The following DLGAP2 variants were observed in gnomAD, a reference collection of about 807,000 sequenced individuals.
The protein encoded by DLGAP2 is disks large-associated protein 2.
DLGAP2 carries 26 observed loss-of-function variants against 100.3 expected under a neutral mutation model. That is an observed-to-expected ratio of 0.26 (90% confidence interval 0.19 to 0.36). The LOEUF (loss-of-function observed/expected upper bound fraction) is 0.36. DLGAP2 is among the 10% of genes least tolerant of loss of function. The probability of loss-of-function intolerance (pLI) is 1.00; values close to 1 mark genes in which losing one functional copy is unlikely to be tolerated. For missense variants in DLGAP2, 1,858 were observed against 1,453.2 expected, an observed-to-expected ratio of 1.28 and a Z score of -4.53; for synonymous variants, 886 against 630.1, an observed-to-expected ratio of 1.41 and a Z score of -6.08.
In DLGAP2 at chr8:1,668,472, C is replaced by G; in HGVS notation, c.1954C>G (p.Pro652Ala). 6.3e-7 allele frequency: 1 copy of G among 1,594,822 alleles called. No individual in the cohort carries two copies. The highest frequency in any genetic ancestry group is 8.5e-7 in the Non-Finnish European group (1 of 1,171,722). Reference sequence around the variant, plus strand: ...GGACAGCCGCGCACAGAGGATGTCCCCGTGGCCCCAGGACAGCCGCGGCCT... The same window carrying G: ...GGACAGCCGCGCACAGAGGATGTCCGCGTGGCCCCAGGACAGCCGCGGCCT... ...YQDSRAQRMS[P>A]WPQDSRGLYN... is the part of the protein sequence containing the mutation. Residue 652 changes from proline (P) to alanine (A), a missense_variant, in exon 9 of 15, where the codon CCG (proline) becomes GCG (alanine). Coordinates refer to ENST00000637795, the MANE Select transcript of DLGAP2 (RefSeq NM_001346810.2).
chr8:1,324,902 C>G (rs1310409751), intron 3 of DLGAP2, among the ~76,000 whole-genome samples: 1 of 152,210 alleles, frequency 6.6e-6, no homozygotes, highest in Non-Finnish European at 1.5e-5. Context: ...ACTCCACAAG[C>G]CTCGTCTTCC....
At chr8:1,010,386 C>T (rs757055617) in intron 2 of DLGAP2, among the ~76,000 whole-genome samples, 1 of 152,126 alleles carries the variant, frequency 6.6e-6, no homozygotes, top group Non-Finnish European at 1.5e-5. Flanking sequence ...TGTGCACAGT[C>T]AGATATCACA....
At chr8:1,229,270 ATT>A (rs201952917) in intron 2 of DLGAP2, among the ~76,000 whole-genome samples, 1 of 144,914 alleles carries the variant, frequency 6.9e-6, no homozygotes. Flanking sequence ...TTCTACCTTG[ATT>A]TTTTTTTTTT....
intron 5 of DLGAP2, chr8:1,565,480 A>G (rs2065210376): frequency 3.7e-6 from 2 of 533,996 alleles, no homozygotes; most frequent in Non-Finnish European, 6.5e-6. Flanking sequence ...GTGTTTACCT[A>G]TCACTTATAA....
chr8:1,701,371 G>A lies in DLGAP2; in HGVS notation c.3133G>A (p.Glu1045Lys). The change falls in exon 15 of 15, where the codon GAG becomes AAG. Residue 1045 changes from glutamate to lysine, a missense_variant. By Grantham distance (56) the Glu-to-Lys change is moderately conservative (BLOSUM62 1). Transcript: ENST00000637795. ...CGCCTCCGAGCGCGCGGACAGCATC[G>A]AGATCTACATCCCCGAGGCCCAGAC... ...NSASERADSI[E>K]IYIPEAQTRL 2 of 1,598,328 alleles carry A rather than the reference G, an allele frequency of 1.3e-6. No individual in the cohort carries two copies. The highest frequency in any genetic ancestry group is 4.5e-5 in the East Asian group (2 of 44,038).
At chr8:1,392,191 C>T (rs926051694) in intron 3 of DLGAP2, among the ~76,000 whole-genome samples, 5 of 152,142 alleles carry the variant, frequency 3.3e-5, no homozygotes, top group African/African-American at 4.8e-5. Context: ...GGCTCGGGTG[C>T]CATTGGAACA....
intron 1 of DLGAP2, among the ~76,000 whole-genome samples, chr8:770,732 G>A (rs1258022725): frequency 3.9e-5 from 6 of 152,164 alleles, no homozygotes; most frequent in Non-Finnish European, 7.3e-5. Context: ...AGGGGGTTAT[G>A]CTTGCATTGT....
intron 2 of DLGAP2, among the ~76,000 whole-genome samples, chr8:1,180,864 A>G (rs28371449): frequency 0.56 from 71,162 of 127,810 alleles, 19,882 homozygotes; most frequent in Admixed American, 0.65. Flanking sequence ...TTACCGTCGA[A>G]TGTGGTGCAT....
At chr8:786,138 G>A (rs554264852) in intron 1 of DLGAP2, among the ~76,000 whole-genome samples, 5 of 152,186 alleles carry the variant, frequency 3.3e-5, no homozygotes, top group African/African-American at 4.8e-5. Context: ...CAGCTGGGCC[G>A]GCGCAGGGGC....
At chr8:1,485,585 C>A (rs1331636412) in intron 3 of DLGAP2, among the ~76,000 whole-genome samples, 1 of 152,206 alleles carries the variant, frequency 6.6e-6, no homozygotes, top group East Asian at 1.9e-4. Context: ...GCTGGTTTAT[C>A]CCCGTTCTTG....
intron 3 of DLGAP2, among the ~76,000 whole-genome samples, chr8:1,310,241 A>C (rs1479702812): frequency 6.6e-6 from 1 of 152,188 alleles, no homozygotes; most frequent in African/African-American, 2.4e-5. Flanking sequence ...AAAATCCACA[A>C]AAAAGACAAT....
At chr8:1,663,290 A>G (rs1444266492) in intron 8 of DLGAP2, among the ~76,000 whole-genome samples, 1 of 152,090 alleles carries the variant, frequency 6.6e-6, no homozygotes, top group African/African-American at 2.4e-5. Flanking sequence ...TACTGAAGAA[A>G]TGAAGGGGTG....
chr8:1,194,076 G>T (rs1797698913), intron 2 of DLGAP2, among the ~76,000 whole-genome samples: 2 of 152,112 alleles, frequency 1.3e-5, no homozygotes, highest in Admixed American at 1.3e-4. Flanking sequence ...GTGTGAACTG[G>T]GATGCCGCAG....
chr8:1,589,660 C>G (rs1029437309), intron 6 of DLGAP2, among the ~76,000 whole-genome samples: 1 of 152,180 alleles, frequency 6.6e-6, no homozygotes, highest in Non-Finnish European at 1.5e-5. Flanking sequence ...GTAGCCCAGG[C>G]TGGTCTCAAA....
intron 1 of DLGAP2, among the ~76,000 whole-genome samples, chr8:898,043 AGT>A (rs71528621): frequency 0.27 from 41,139 of 151,900 alleles, 5,792 homozygotes; most frequent in Non-Finnish European, 0.31. Flanking sequence ...ACCTGCAGTA[AGT>A]GGGTTGGAAA....
intron 2 of DLGAP2, among the ~76,000 whole-genome samples, chr8:971,972 C>T (rs911953785): frequency 6.6e-6 from 1 of 152,162 alleles, no homozygotes; most frequent in Non-Finnish European, 1.5e-5. Context: ...CAACACCTTT[C>T]CACCACATCA....
chr8:1,175,230 C>T (rs918290134), intron 2 of DLGAP2, among the ~76,000 whole-genome samples: 1 of 148,976 alleles, frequency 6.7e-6, no homozygotes, highest in African/African-American at 2.4e-5. Context: ...GAAATGTCTT[C>T]ACATGCTTGA....
intron 1 of DLGAP2, among the ~76,000 whole-genome samples, chr8:900,324 G>T (rs543713444): frequency 6.6e-6 from 1 of 150,788 alleles, no homozygotes; most frequent in African/African-American, 2.4e-5. Flanking sequence ...CCTCTTCACG[G>T]TGTCGCTCCC....
intron 1 of DLGAP2, among the ~76,000 whole-genome samples, chr8:795,564 A>G (rs1796007940): frequency 1.3e-5 from 2 of 152,182 alleles, no homozygotes; most frequent in South Asian, 2.1e-4. Context: ...TGCCCTTTCA[A>G]CTGCAGTGGA....
Sources: gnomAD v4.1 joint callset for allele counts (sites outside exome capture counted in the v4.1 genomes callset) on GRCh38, gnomAD v4.1.1 for gene constraint, MANE v1.5 for transcripts, NCBI Gene and HGNC (gene_info 2026-07-23, HGNC 2026-07-21) for gene names.